The following MGAT4C variants were observed in gnomAD, a reference collection of about 807,000 sequenced individuals.
MGAT4C encodes alpha-1,3-mannosyl-glycoprotein 4-beta-N-acetylglucosaminyltransferase C.
Under a neutral mutation model 40.1 loss-of-function variants are expected in MGAT4C, and 19 were observed. The observed-to-expected ratio is 0.47, with a 90% CI of 0.33 to 0.70. The LOEUF (loss-of-function observed/expected upper bound fraction) is 0.70, where lower values mean the gene tolerates loss of function less well. MGAT4C is among the 30% of genes least tolerant of loss of function. MGAT4C has a pLI of 0.02. For synonymous variants in MGAT4C, 181 were observed against 187.1 expected (o/e 0.97, Z 0.27); for missense variants, 491 against 563.2 (o/e 0.87, Z 1.30).
At chr12:86,455,770 A>G (rs574142719) in intron 2 of MGAT4C, among the ~76,000 whole-genome samples, 3 of 152,094 alleles carry the variant, frequency 2.0e-5, no homozygotes, top group Non-Finnish European at 4.4e-5. Flanking sequence ...TATAAGTGGT[A>G]TTTTTCAATG....
intron 1 of MGAT4C, among the ~76,000 whole-genome samples, chr12:86,750,701 G>C (rs1951220569): frequency 1.3e-5 from 2 of 151,954 alleles, no homozygotes; most frequent in Admixed American, 6.6e-5. Flanking sequence ...TAGGTAACTT[G>C]ACCTCAATTC....
At chr12:86,831,807 T>G (rs1021382356) in intron 1 of MGAT4C, among the ~76,000 whole-genome samples, 1 of 151,836 alleles carries the variant, frequency 6.6e-6, no homozygotes, top group Admixed American at 6.6e-5. Flanking sequence ...GCATGATAGA[T>G]ATTATAATTA....
chr12:86,801,520 G>A (rs1952225553), intron 1 of MGAT4C, among the ~76,000 whole-genome samples: 1 of 151,772 alleles, frequency 6.6e-6, no homozygotes, highest in East Asian at 1.9e-4. Flanking sequence ...GTTGAAGGCA[G>A]GTAGGGATTT....
At chr12:86,526,290 G>A (rs1958881542) in intron 2 of MGAT4C, among the ~76,000 whole-genome samples, 1 of 152,104 alleles carries the variant, frequency 6.6e-6, no homozygotes, top group South Asian at 2.1e-4. Context: ...TTGGTAGGGG[G>A]AGGAGGGTTG....
At chr12:86,277,936 TC>T (rs1383965652) in intron 4 of MGAT4C, among the ~76,000 whole-genome samples, 3 of 152,146 alleles carry the variant, frequency 2.0e-5, no homozygotes, top group Admixed American at 6.5e-5. Flanking sequence ...TTTAAGCATG[TC>T]ATTGGCATTT....
intron 1 of MGAT4C, among the ~76,000 whole-genome samples, chr12:86,164,084 G>A (rs368514515): frequency 6.6e-6 from 1 of 152,158 alleles, no homozygotes; most frequent in African/African-American, 2.4e-5. Flanking sequence ...GACATGGTGA[G>A]TGAAATATAA....
intron 3 of MGAT4C, among the ~76,000 whole-genome samples, chr12:86,431,241 T>C (rs1426710729): frequency 1.3e-5 from 2 of 151,560 alleles, no homozygotes; most frequent in Non-Finnish European, 2.9e-5. Context: ...AGGAACACAG[T>C]GGTCCCACCA....
At chr12:86,617,801 A>C (rs1406902283) in intron 2 of MGAT4C, among the ~76,000 whole-genome samples, 2 of 152,192 alleles carry the variant, frequency 1.3e-5, no homozygotes, top group Admixed American at 1.3e-4. Flanking sequence ...TAACACTCAA[A>C]GTACAAGCAA....
chr12:86,619,381 G>T (rs185528663), intron 2 of MGAT4C, among the ~76,000 whole-genome samples: 4 of 152,112 alleles, frequency 2.6e-5, no homozygotes. Flanking sequence ...TTACATGTCA[G>T]TTGGTCTCCC....
intron 3 of MGAT4C, among the ~76,000 whole-genome samples, chr12:86,364,131 T>G (rs1175662175): frequency 6.6e-6 from 1 of 151,884 alleles, no homozygotes; most frequent in Non-Finnish European, 1.5e-5. Context: ...CTAAGAATAA[T>G]TTGTGGAGGA....
chr12:86,377,006 T>A (rs1425191064), intron 3 of MGAT4C, among the ~76,000 whole-genome samples: 1 of 152,040 alleles, frequency 6.6e-6, no homozygotes, highest in African/African-American at 2.4e-5. Flanking sequence ...TTTCATTATA[T>A]AATTATTTTT....
intron 3 of MGAT4C, among the ~76,000 whole-genome samples, chr12:86,424,314 C>T (rs987246313): frequency 4.6e-5 from 7 of 152,158 alleles, no homozygotes; most frequent in Non-Finnish European, 7.3e-5. Context: ...TTTTGTCCCC[C>T]ACTCTTCCAA....
intron 2 of MGAT4C, among the ~76,000 whole-genome samples, chr12:86,616,440 C>A (rs1393421594): frequency 1.3e-5 from 2 of 152,012 alleles, no homozygotes; most frequent in Admixed American, 1.3e-4. Flanking sequence ...TAAATTAAAA[C>A]CCTTGTAAGA....
intron 2 of MGAT4C, among the ~76,000 whole-genome samples, chr12:86,545,518 A>G (rs979128292): frequency 4.6e-5 from 7 of 151,918 alleles, no homozygotes; most frequent in Non-Finnish European, 1.0e-4. Context: ...TTGCCAGATT[A>G]GATGACAAGC....
chr12:86,499,205 A>G (rs1205533232), intron 2 of MGAT4C, among the ~76,000 whole-genome samples: 1 of 151,818 alleles, frequency 6.6e-6, no homozygotes, highest in African/African-American at 2.4e-5. Context: ...TGGGGTTAAA[A>G]GTTACAGGTG....
intron 1 of MGAT4C, among the ~76,000 whole-genome samples, chr12:86,830,035 A>G (rs922251638): frequency 1.3e-5 from 2 of 151,542 alleles, no homozygotes; most frequent in Non-Finnish European, 3.0e-5. Context: ...TCATGAACAT[A>G]TAGGGTAAAA....
At chr12:86,650,714 A>C (rs1963671896) in intron 2 of MGAT4C, among the ~76,000 whole-genome samples, 1 of 151,882 alleles carries the variant, frequency 6.6e-6, no homozygotes, top group African/African-American at 2.4e-5. Flanking sequence ...AGTCCCTGCA[A>C]AGCCCTCATT....
chr12:86,232,753 T>C (rs1226451304), intron 1 of MGAT4C, among the ~76,000 whole-genome samples: 5 of 152,192 alleles, frequency 3.3e-5, no homozygotes, highest in African/African-American at 1.2e-4. Flanking sequence ...TGTGTGTACA[T>C]GTTAATGTGT....
intron 2 of MGAT4C, among the ~76,000 whole-genome samples, chr12:85,999,955 GA>G (rs1224034533): frequency 1.3e-5 from 2 of 152,114 alleles, no homozygotes; most frequent in African/African-American, 4.8e-5. Context: ...ACATTAGGGT[GA>G]CTACAGCTAA....
Sources: gnomAD v4.1 joint callset for allele counts (sites outside exome capture counted in the v4.1 genomes callset) on GRCh38, gnomAD v4.1.1 for gene constraint, MANE v1.5 for transcripts, NCBI Gene and HGNC (gene_info 2026-07-23, HGNC 2026-07-21) for gene names.